Variants in RFX3 observed in about 807,000 individuals in gnomAD.
RFX3 encodes the protein regulatory factor X3.
In RFX3, 14 loss-of-function variants were observed where a neutral mutation model predicts 98.6. The observed-to-expected ratio is 0.14, with a 90% CI of 0.09 to 0.22. The LOEUF (loss-of-function observed/expected upper bound fraction) is 0.22, where lower values mean the gene tolerates loss of function less well. RFX3 is among the 10% of genes least tolerant of loss of function. The probability of loss-of-function intolerance (pLI) is 1.00; values close to 1 mark genes in which losing one functional copy is unlikely to be tolerated. For synonymous variants in RFX3, 383 were observed against 328.4 expected (o/e 1.17, Z -1.80); for missense variants, 639 against 926.9 (o/e 0.69, Z 4.03).
At chr9:3,314,256 C>A (rs1311774392) in intron 4 of RFX3, among the ~76,000 whole-genome samples, 1 of 152,134 alleles carries the variant, frequency 6.6e-6, no homozygotes, top group African/African-American at 2.4e-5. Context: ...ACCAGAATTT[C>A]ATATCCAGCC....
chr9:3,253,459 C>A (rs958702180), intron 14 of RFX3, among the ~76,000 whole-genome samples: 3 of 152,160 alleles, frequency 2.0e-5, no homozygotes, highest in Non-Finnish European at 4.4e-5. Context: ...TTCAGGGTGG[C>A]CCTGAAGAAT....
chr9:3,367,106 A>T lies in RFX3; in HGVS notation c.118-20342T>A, dbSNP rs142219289. 6.6e-5 allele frequency among the ~76,000 whole-genome samples: 10 copies of T among 152,270 alleles called. No individual in the cohort carries two copies. In the East Asian group the frequency reaches 1.9e-3, roughly 29 times the overall value. ...ATTCCTATAACTTGTGAATACAATG[A>T]AAAATACCTCCCATGATTATCTTAC... On this transcript the variant is annotated intron_variant, in intron 2 of 16. Coordinates refer to ENST00000617270, the MANE Select transcript of RFX3 (RefSeq NM_001282116.2).
chr9:3,361,738 A>G (rs990653847), intron 2 of RFX3, among the ~76,000 whole-genome samples: 10 of 151,802 alleles, frequency 6.6e-5, no homozygotes, highest in African/African-American at 2.4e-4. Context: ...ACTGGAGCCC[A>G]GCAGTTTAAG....
intron 1 of RFX3, among the ~76,000 whole-genome samples, chr9:3,463,279 A>G (rs1352022778): frequency 6.6e-6 from 1 of 152,160 alleles, no homozygotes; most frequent in Non-Finnish European, 1.5e-5. Context: ...TGGAAAAATT[A>G]TTGTCTTTTT....
chr9:3,433,975 A>G (rs1844887603), intron 1 of RFX3, among the ~76,000 whole-genome samples: 1 of 152,196 alleles, frequency 6.6e-6, no homozygotes, highest in African/African-American at 2.4e-5. Flanking sequence ...CCAAGGCCAT[A>G]GTCTGCCAAA....
intron 1 of RFX3, among the ~76,000 whole-genome samples, chr9:3,462,989 T>C (rs1484640869): frequency 6.6e-6 from 1 of 152,120 alleles, no homozygotes; most frequent in Non-Finnish European, 1.5e-5. Context: ...ATTAATTTTC[T>C]TGAAACAGAT....
rs973424711 is a variant in RFX3 at position 3,220,083 on chromosome 9, T to G, written c.*4959A>C. On this transcript the variant is annotated 3_prime_UTR_variant, in exon 17 of 17. Coordinates refer to ENST00000617270, the MANE Select transcript of RFX3 (RefSeq NM_001282116.2). Reference sequence around the variant, plus strand: ...CATCTCCTGACAGATGAGCTTAAAATCAAGTGCTTTGCTCTCCATTCTATC... The same window carrying G: ...CATCTCCTGACAGATGAGCTTAAAAGCAAGTGCTTTGCTCTCCATTCTATC... 1 of 152,222 alleles carries G rather than the reference T, an allele frequency of 6.6e-6. No homozygotes were observed. Among genetic ancestry groups the G allele is most frequent in the African/African-American group, 2.4e-5 (1 of 41,458 alleles). The allele number at this position is 152,222 out of a possible 1,614,324, so 9.4% of individuals were successfully genotyped here.
At chr9:3,271,539 TTCTCTTTCTCTCTTTC>T (rs1338810273) in intron 9 of RFX3, among the ~76,000 whole-genome samples, 3 of 10,284 alleles carry the variant, frequency 2.9e-4, no homozygotes, top group South Asian at 0.015. Context: ...CTTTCTCTCT[TTCTCTTTCTCTCTTTC>T]TCTCTCTCTT....
intron 1 of RFX3, among the ~76,000 whole-genome samples, chr9:3,464,228 C>A (rs13300358): frequency 1.3e-5 from 2 of 151,992 alleles, no homozygotes; most frequent in Non-Finnish European, 2.9e-5. Flanking sequence ...GCAGTTACTT[C>A]GAAAAGTTAA....
chr9:3,228,947 C>A, intron 15 of RFX3, 58 bp from the exon 16 acceptor site: 1 of 1,456,136 alleles, frequency 6.9e-7, no homozygotes, highest in South Asian at 1.3e-5. Context: ...AAATAATACT[C>A]TATCAGTCTG....
intron 1 of RFX3, among the ~76,000 whole-genome samples, chr9:3,480,507 G>T (rs1287323118): frequency 1.3e-5 from 2 of 152,178 alleles, no homozygotes; most frequent in Non-Finnish European, 2.9e-5. Context: ...CTTCACACGA[G>T]CATGAATGCC....
intron 1 of RFX3, among the ~76,000 whole-genome samples, chr9:3,463,265 T>G (rs1013820370): frequency 2.4e-4 from 36 of 152,048 alleles, no homozygotes; most frequent in African/African-American, 8.2e-4. Flanking sequence ...CTAAGGTAAT[T>G]AAATGGAAAA....
chr9:3,426,395 T>C (rs1844036164), intron 1 of RFX3, among the ~76,000 whole-genome samples: 1 of 151,876 alleles, frequency 6.6e-6, no homozygotes, highest in Admixed American at 6.6e-5. Context: ...AAATAATTGA[T>C]AACTATAGTC....
At chr9:3,445,840 G>A (rs1177686378) in intron 1 of RFX3, among the ~76,000 whole-genome samples, 1 of 152,042 alleles carries the variant, frequency 6.6e-6, no homozygotes, top group Non-Finnish European at 1.5e-5. Context: ...ATTTGTACTT[G>A]CTGTTCTCAC....
chr9:3,274,563 G>A (rs113780629), intron 9 of RFX3, among the ~76,000 whole-genome samples: 2,665 of 152,204 alleles, frequency 0.018, 84 homozygotes, highest in African/African-American at 0.061. Flanking sequence ...ACGAGAGTAG[G>A]AGTAGGGCTA....
intron 15 of RFX3, among the ~76,000 whole-genome samples, chr9:3,232,805 G>A (rs1818647576): frequency 1.4e-5 from 2 of 146,286 alleles, no homozygotes; most frequent in Non-Finnish European, 3.0e-5. Context: ...AGAGAGAAAT[G>A]GGATGGGATG....
intron 1 of RFX3, among the ~76,000 whole-genome samples, chr9:3,437,660 C>A (rs1845261845): frequency 6.6e-6 from 1 of 152,026 alleles, no homozygotes; most frequent in African/African-American, 2.4e-5. Context: ...CTTCGTTCCA[C>A]CCTACTTCCT....
At chr9:3,331,991 C>T (rs778199698) in intron 3 of RFX3, among the ~76,000 whole-genome samples, 60 of 152,274 alleles carry the variant, frequency 3.9e-4, no homozygotes, top group Non-Finnish European at 6.5e-4. Context: ...TTCTTCCACA[C>T]TTCCGCTTCT....
intron 3 of RFX3, among the ~76,000 whole-genome samples, chr9:3,335,291 T>G (rs986795337): frequency 1.3e-5 from 2 of 152,096 alleles, no homozygotes; most frequent in African/African-American, 2.4e-5. Context: ...TTTAAGCTCC[T>G]GAATAAATAC....
Sources: gnomAD v4.1 joint callset for allele counts (sites outside exome capture counted in the v4.1 genomes callset) on GRCh38, gnomAD v4.1.1 for gene constraint, MANE v1.5 for transcripts, NCBI Gene and HGNC (gene_info 2026-07-23, HGNC 2026-07-21) for gene names.